DDX1: variants seen among roughly 807,000 people sequenced by gnomAD.
DDX1 encodes ATP-dependent RNA helicase DDX1.
In DDX1, 28 loss-of-function variants were observed where a neutral mutation model predicts 108.7. The ratio of observed to expected loss-of-function variants is 0.26; its 90% CI spans 0.19 to 0.35. The LOEUF is 0.35. Among genes scored for constraint, DDX1 ranks in the 10% least tolerant of loss-of-function variants. DDX1 has a pLI of 1.00. For missense variants in DDX1, 710 were observed against 884.5 expected (o/e 0.80, Z 2.50); for synonymous variants, 295 against 288.9 (o/e 1.02, Z -0.21).
chr2:15,599,064 C>T (rs77181510), intron 5 of DDX1: 6 of 152,170 alleles, frequency 3.9e-5, no homozygotes, highest in African/African-American at 1.4e-4. Flanking sequence ...GGACAGAGAT[C>T]AGTATCATCT....
At position 15,603,853 on chromosome 2, in the gene DDX1, A is replaced by G; in HGVS notation, c.515A>G (p.Lys172Arg). 1.2e-6 allele frequency: 2 copies of G among 1,612,394 alleles called. No individual in the cohort carries two copies. The highest frequency in any genetic ancestry group is 2.7e-5 in the African/African-American group (2 of 75,028). Residue 172 changes from lysine to arginine, a missense_variant, in exon 9 of 26, where the codon AAG becomes AGG. By Grantham distance (26) the Lys-to-Arg change is conservative. Coordinates refer to ENST00000233084, the MANE Select transcript of DDX1 (RefSeq NM_004939.3). ...KFGFGFGGTG[K>R]KSHNKQFDNY... ...GGATTTGGCTTTGGTGGAACAGGAA[A>G]GAAATCCCATAACAAACAATTTGAT... is the stretch of plus-strand genomic sequence containing the variant.
rs1357759250 is a variant in DDX1, at chr2:15,623,522, T to C, written c.1534T>C (p.Phe512Leu). 2 of 1,613,630 alleles carry C rather than the reference T, an allele frequency of 1.2e-6. No homozygotes were observed. Among genetic ancestry groups the C allele is most frequent in the Admixed American group, 3.3e-5 (2 of 60,006 alleles). ...ACATAAGATGGATCAAGCAATTATC[T>C]TCTGTAGAACCAAAATTGACTGTGA... is the stretch of plus-strand genomic sequence containing the variant. ...KEHKMDQAII[F>L]CRTKIDCDNL... Residue 512 changes from phenylalanine (F) to leucine (L), a missense_variant, in exon 19 of 26, where the codon TTC becomes CTC. Transcript: ENST00000233084.
At chr2:15,599,369 C>T (rs567358290) in intron 5 of DDX1, among the ~76,000 whole-genome samples, 16 of 151,702 alleles carry the variant, frequency 1.1e-4, no homozygotes, top group African/African-American at 2.9e-4. Context: ...TGCAGTGGCT[C>T]GATCTCTGCT....
At chr2:15,618,371 G>A in intron 16 of DDX1, 101 bp downstream of exon 16, 1 of 673,560 alleles carries the variant, frequency 1.5e-6, no homozygotes, top group Non-Finnish European at 2.7e-6. Flanking sequence ...GGAAACCTCT[G>A]CGGCTAGTGA....
Position 15,617,932 on chromosome 2 carries a change from A to T in DDX1, c.1117-249A>T, listed in dbSNP as rs541537272. 1.4e-4 allele frequency among the ~76,000 whole-genome samples: 22 copies of T among 152,256 alleles called. No individual in the cohort carries two copies. In the East Asian group the frequency reaches 2.3e-3, roughly 16 times the overall value. On this transcript the variant is annotated intron_variant, in intron 15 of 25. Coordinates refer to ENST00000233084, the MANE Select transcript of DDX1 (RefSeq NM_004939.3). ...CTGTTGACTGAAATTTTCATTCTAGATTATTAGATTATGGTTTTGGATTGC... is the reference window on the plus strand; with the variant it reads ...CTGTTGACTGAAATTTTCATTCTAGTTTATTAGATTATGGTTTTGGATTGC...
chr2:15,619,978 T>C (rs188934377), intron 16 of DDX1, among the ~76,000 whole-genome samples: 16 of 152,268 alleles, frequency 1.1e-4, no homozygotes, highest in Non-Finnish European at 1.9e-4. Flanking sequence ...TTAGTTTTTG[T>C]AGGGACGTGA....
intron 18 of DDX1, among the ~76,000 whole-genome samples, chr2:15,621,658 T>G (rs562892397): frequency 1.5e-4 from 23 of 152,046 alleles, no homozygotes; most frequent in South Asian, 8.3e-4. Flanking sequence ...ACTTTTTTTT[T>G]TTTTGTTTTT....
chr2:15,613,870 CTT>C (rs1665846407), intron 14 of DDX1, among the ~76,000 whole-genome samples: 1 of 139,044 alleles, frequency 7.2e-6, no homozygotes, highest in Non-Finnish European at 1.5e-5. Context: ...GAGTTTCACT[CTT>C]GTCGCCCAGG....
chr2:15,594,359 A>G (rs1021882691), intron 1 of DDX1, among the ~76,000 whole-genome samples: 1 of 152,212 alleles, frequency 6.6e-6, no homozygotes. Context: ...TAAAATAAAA[A>G]TCACTTGTCT....
intron 1 of DDX1, among the ~76,000 whole-genome samples, chr2:15,594,075 CAAAAA>C (rs146717238): frequency 7.0e-6 from 1 of 142,882 alleles, no homozygotes; most frequent in Non-Finnish European, 1.5e-5. Context: ...GAGACTGTCT[CAAAAA>C]AAAACAAAAG....
At chr2:15,597,261 C>A in intron 4 of DDX1, 114 bp from the exon 5 acceptor site, 1 of 684,292 alleles carries the variant, frequency 1.5e-6, no homozygotes, top group Non-Finnish European at 2.5e-6. Flanking sequence ...TAGTAGCAAT[C>A]TGGAATATGT....
rs759483708 is a variant in DDX1 at position 15,602,560 on chromosome 2, A to G, written c.320A>G (p.Asp107Gly). The G allele has an allele frequency of 1.2e-6, 2 of 1,613,342 alleles. No homozygotes were observed. Among genetic ancestry groups the G allele is most frequent in the Non-Finnish European group, 1.7e-6 (2 of 1,179,436 alleles). ...TTCTCAAATCCAGCAATTGGGTCAG[A>G]TGGTCTTTGTTGTCAAAGCAGAGAA... ...DRGSAFAIGS[D>G]GLCCQSREVK... Residue 107 changes from aspartate to glycine, a missense_variant, in exon 7 of 26, where the codon GAT becomes GGT. Coordinates refer to ENST00000233084, the MANE Select transcript of DDX1 (RefSeq NM_004939.3).
intron 1 of DDX1, among the ~76,000 whole-genome samples, chr2:15,594,267 G>A (rs1558449688): frequency 2.0e-5 from 3 of 152,038 alleles, no homozygotes; most frequent in South Asian, 4.1e-4. Flanking sequence ...TATTTCTGGG[G>A]CTTGGGAATG....
Position 15,630,923 on chromosome 2 carries a change from A to AGG in DDX1, c.*17_*18insGG, listed in dbSNP as rs1337262134. ...ACCTTCTGATTTTTACATTTACTGA[A>AGG]TAAGATTTGAGTAATGAAAGTCTGT... is the stretch of plus-strand genomic sequence containing the variant. On this transcript the variant is annotated 3_prime_UTR_variant, in exon 26 of 26. Coordinates refer to ENST00000233084, the MANE Select transcript of DDX1 (RefSeq NM_004939.3). 3 of 1,612,476 alleles carry AGG rather than the reference A, an allele frequency of 1.9e-6. No individual in the cohort carries two copies. The Admixed American group carries it at 5.0e-5, about 27-fold the overall frequency.
chr2:15,616,516 G>A (rs963497465), intron 14 of DDX1, among the ~76,000 whole-genome samples: 5 of 152,176 alleles, frequency 3.3e-5, no homozygotes, highest in Non-Finnish European at 5.9e-5. Context: ...TACTGGCACC[G>A]AGGCTCACTG....
intron 1 of DDX1, among the ~76,000 whole-genome samples, chr2:15,593,165 G>A (rs949098428): frequency 5.9e-5 from 9 of 152,054 alleles, no homozygotes; most frequent in Non-Finnish European, 1.0e-4. Flanking sequence ...CAGGTGATCC[G>A]CTCACCTCGG....
chr2:15,610,976 A>G (rs1665742606), intron 13 of DDX1, among the ~76,000 whole-genome samples: 1 of 150,384 alleles, frequency 6.6e-6, no homozygotes, highest in Non-Finnish European at 1.5e-5. Flanking sequence ...AGGGAAGGTC[A>G]GCAGATAAAC....
chr2:15,609,833 T>TC (rs538635513), intron 13 of DDX1, among the ~76,000 whole-genome samples: 233 of 152,346 alleles, frequency 1.5e-3, no homozygotes, highest in African/African-American at 5.4e-3. Flanking sequence ...ATTGGTTCCC[T>TC]CCCCTGGATA....
intron 19 of DDX1, among the ~76,000 whole-genome samples, chr2:15,624,450 TCA>T (rs764463487): frequency 6.6e-6 from 1 of 152,164 alleles, no homozygotes; most frequent in Non-Finnish European, 1.5e-5. Flanking sequence ...TTTAATTGAC[TCA>T]CAGTTCTTCA....
Sources: allele counts gnomAD v4.1 joint callset (sites outside exome capture counted in the v4.1 genomes callset), GRCh38; gene constraint gnomAD v4.1.1; transcripts MANE v1.5; gene names NCBI Gene and HGNC (gene_info 2026-07-23, HGNC 2026-07-21).